Variants in PPP6R3 observed in about 807,000 individuals in gnomAD.
PPP6R3 encodes protein phosphatase 6 regulatory subunit 3.
PPP6R3 carries 38 observed loss-of-function variants against 110.7 expected under a neutral mutation model. The ratio of observed to expected loss-of-function variants is 0.34; its 90% CI spans 0.26 to 0.45. PPP6R3 has a LOEUF of 0.45. Ranked by LOEUF, PPP6R3 falls within the 20% of genes least tolerant of loss-of-function variation. The pLI, the probability that PPP6R3 is intolerant of heterozygous loss-of-function variation, is 1.00. For missense variants in PPP6R3, 870 were observed against 1,062.4 expected (o/e 0.82, Z 2.52); for synonymous variants, 369 against 373.5 (o/e 0.99, Z 0.14).
At chr11:68,484,879 G>A (rs1180322093) in intron 1 of PPP6R3, among the ~76,000 whole-genome samples, 1 of 152,052 alleles carries the variant, frequency 6.6e-6, no homozygotes, top group African/African-American at 2.4e-5. Context: ...GAGCCACAGC[G>A]CCCAGCCTTC....
intron 1 of PPP6R3, among the ~76,000 whole-genome samples, chr11:68,518,843 G>A (rs557065471): frequency 2.2e-4 from 33 of 152,236 alleles, no homozygotes; most frequent in Non-Finnish European, 3.4e-4. Flanking sequence ...CATTCTTAGA[G>A]GATTTCTTTT....
chr11:68,466,433 CTTTTT>C (rs906791744), intron 1 of PPP6R3, among the ~76,000 whole-genome samples: 3 of 125,396 alleles, frequency 2.4e-5, no homozygotes, highest in African/African-American at 3.2e-5. Context: ...AGGACATTTT[CTTTTT>C]TTTTTTTTTT....
At chr11:68,569,380 T>C (rs1055431977) in intron 10 of PPP6R3, among the ~76,000 whole-genome samples, 1 of 152,214 alleles carries the variant, frequency 6.6e-6, no homozygotes. Flanking sequence ...TTCCTATACA[T>C]ACCTGTGACA....
At position 68,599,731 on chromosome 11, in the gene PPP6R3, T is replaced by C. The variant is rs925176511; in HGVS notation, c.2039-610T>C. Among the ~76,000 whole-genome samples, 3 of 152,210 alleles carry C rather than the reference T, an allele frequency of 2.0e-5. No individual in the cohort carries two copies. The South Asian group carries it at 6.2e-4, about 31-fold the overall frequency. ...GCTTCCCCAAGTATGAATACAGCCA[T>C]GGTACATTTGTCAAAACTAAGAAAT... On this transcript the variant is annotated intron_variant, in intron 19 of 23. Transcript: ENST00000393800.
chr11:68,502,096 T>C (rs1383815196), intron 1 of PPP6R3, among the ~76,000 whole-genome samples: 1 of 152,232 alleles, frequency 6.6e-6, no homozygotes, highest in Non-Finnish European at 1.5e-5. Flanking sequence ...ATGGTGCTGG[T>C]ACCCTCATGA....
At position 68,551,110 on chromosome 11, in the gene PPP6R3, G is replaced by A. The variant is rs2099371140; in HGVS notation, c.553-11G>A. On this transcript the variant is annotated splice_polypyrimidine_tract_variant and intron_variant, in intron 5 of 23. Transcript: ENST00000393800. Reference sequence around the variant, plus strand: ...TCATTGCTATGATTACTTCTACAATGTGTTTTACAGTGGTTAAATGAGGAG... The same window carrying A: ...TCATTGCTATGATTACTTCTACAATATGTTTTACAGTGGTTAAATGAGGAG... The A allele has an allele frequency of 6.3e-7, 1 of 1,583,032 alleles. No homozygotes were observed. The highest frequency in any genetic ancestry group is 8.7e-7 in the Non-Finnish European group (1 of 1,155,112).
At chr11:68,549,320 G>A (rs80319671) in intron 5 of PPP6R3, among the ~76,000 whole-genome samples, 195 of 152,340 alleles carry the variant, frequency 1.3e-3, no homozygotes, top group Middle Eastern at 0.01. Flanking sequence ...AATGCTAATT[G>A]TTATTTAAGA....
intron 1 of PPP6R3, among the ~76,000 whole-genome samples, chr11:68,492,418 G>A (rs1296732588): frequency 6.6e-6 from 1 of 152,154 alleles, no homozygotes; most frequent in Admixed American, 6.5e-5. Flanking sequence ...CAGAATGCTG[G>A]GATTTCAGGC....
intron 2 of PPP6R3, among the ~76,000 whole-genome samples, chr11:68,526,613 A>G (rs2099199794): frequency 6.6e-6 from 1 of 152,180 alleles, no homozygotes; most frequent in Non-Finnish European, 1.5e-5. Flanking sequence ...GCACACGTGC[A>G]TCTGGAACCA....
chr11:68,596,641 C>T (rs1162854537), intron 19 of PPP6R3, among the ~76,000 whole-genome samples: 2 of 152,226 alleles, frequency 1.3e-5, no homozygotes, highest in African/African-American at 4.8e-5. Context: ...CATTTCAGTG[C>T]GTTCTTCGTA....
At chr11:68,469,041 C>T (rs1412214907) in intron 1 of PPP6R3, among the ~76,000 whole-genome samples, 3 of 152,288 alleles carry the variant, frequency 2.0e-5, no homozygotes, top group Middle Eastern at 3.4e-3. Context: ...ACAAATTCTG[C>T]ATTATAACCA....
chr11:68,603,729 T>A (rs1323707023), intron 22 of PPP6R3, among the ~76,000 whole-genome samples: 1 of 152,166 alleles, frequency 6.6e-6, no homozygotes, highest in Non-Finnish European at 1.5e-5. Context: ...CATCTAGCAG[T>A]TTGATAGAAC....
At chr11:68,558,722 G>T in intron 8 of PPP6R3, 43 bp downstream of exon 8, 1 of 1,457,072 alleles carries the variant, frequency 6.9e-7, no homozygotes, top group Non-Finnish European at 9.6e-7. Flanking sequence ...ATGTTGTTTT[G>T]CTTTCAGATT....
intron 2 of PPP6R3, among the ~76,000 whole-genome samples, chr11:68,532,303 C>T (rs2099245410): frequency 6.6e-6 from 1 of 152,190 alleles, no homozygotes; most frequent in African/African-American, 2.4e-5. Flanking sequence ...TATAAGATGG[C>T]AGTTTTCACT....
chr11:68,544,624 G>A (rs7935799), intron 3 of PPP6R3, among the ~76,000 whole-genome samples: 1 of 152,202 alleles, frequency 6.6e-6, no homozygotes, highest in Non-Finnish European at 1.5e-5. Flanking sequence ...ATGTATTCTT[G>A]TTAAAGCTTG....
At chr11:68,552,103 C>T (rs1264959115) in intron 6 of PPP6R3, among the ~76,000 whole-genome samples, 1 of 152,164 alleles carries the variant, frequency 6.6e-6, no homozygotes, top group African/African-American at 2.4e-5. Flanking sequence ...AAGGTTACCA[C>T]CTTAAGTATC....
chr11:68,558,527 G>A (rs2099407775), intron 7 of PPP6R3, 39 bp from the exon 8 acceptor site: 4 of 1,323,266 alleles, frequency 3.0e-6, no homozygotes, highest in Admixed American at 1.8e-5. Context: ...TTGGTGATAA[G>A]TGATACTGCA....
At chr11:68,556,531 T>C (rs2099400001) in intron 7 of PPP6R3, among the ~76,000 whole-genome samples, 1 of 131,230 alleles carries the variant, frequency 7.6e-6, no homozygotes, top group Non-Finnish European at 1.6e-5. Context: ...AGTGAATTTC[T>C]CATTAAAAAA....
intron 18 of PPP6R3, among the ~76,000 whole-genome samples, chr11:68,595,599 G>A (rs559448452): frequency 3.3e-5 from 5 of 152,198 alleles, no homozygotes; most frequent in African/African-American, 7.2e-5. Context: ...AGAATGAAAC[G>A]ACAAACCATG....
Sources: allele counts gnomAD v4.1 joint callset (sites outside exome capture counted in the v4.1 genomes callset), GRCh38; gene constraint gnomAD v4.1.1; transcripts MANE v1.5; gene names NCBI Gene and HGNC (gene_info 2026-07-23, HGNC 2026-07-21).